FOXP1: variants seen among roughly 807,000 people sequenced by gnomAD.
FOXP1 encodes the protein forkhead box P1, also known as forkhead box protein P1.
FOXP1 carries 15 observed loss-of-function variants against 98.2 expected under a neutral mutation model. The ratio of observed to expected loss-of-function variants is 0.15; its 90% CI spans 0.10 to 0.24. The LOEUF (loss-of-function observed/expected upper bound fraction) is 0.24, where lower values mean the gene tolerates loss of function less well. FOXP1 is among the 10% of genes least tolerant of loss of function. The pLI, the probability that FOXP1 is intolerant of heterozygous loss-of-function variation, is 1.00. For synonymous variants in FOXP1, 371 were observed against 314.5 expected (o/e 1.18, Z -1.90); for missense variants, 633 against 848.5 (o/e 0.75, Z 3.15).
intron 18 of FOXP1, 104 bp from the exon 19 acceptor site, chr3:70,970,909 T>C: frequency 1.2e-6 from 1 of 859,600 alleles, no homozygotes; most frequent in Non-Finnish European, 2.0e-6. Context: ...AATGAGCAAT[T>C]TCCCCCACTA....
At chr3:70,962,064 C>T (rs1197837734) in intron 20 of FOXP1, among the ~76,000 whole-genome samples, 1 of 152,164 alleles carries the variant, frequency 6.6e-6, no homozygotes, top group Non-Finnish European at 1.5e-5. Flanking sequence ...AAAACACAAA[C>T]CCTTAGTTAA....
intron 4 of FOXP1, among the ~76,000 whole-genome samples, chr3:71,311,327 T>C (rs1274426297): frequency 6.6e-6 from 1 of 152,202 alleles, no homozygotes; most frequent in Non-Finnish European, 1.5e-5. Flanking sequence ...TGGGTTCAAG[T>C]GATCATCCTG....
At chr3:71,008,355 G>A (rs1389861232) in intron 12 of FOXP1, among the ~76,000 whole-genome samples, 5 of 152,042 alleles carry the variant, frequency 3.3e-5, no homozygotes, top group African/African-American at 1.2e-4. Flanking sequence ...CTTTCACCTG[G>A]TTTGAAAAGA....
chr3:70,959,561 AC>A (rs1438907472), intron 20 of FOXP1, among the ~76,000 whole-genome samples, 170 bp from the exon 21 acceptor site: 1 of 152,130 alleles, frequency 6.6e-6, no homozygotes, highest in African/African-American at 2.4e-5. Context: ...ACGAAATCTT[AC>A]TACATTTAAT....
chr3:71,088,915 G>T (rs147420916), intron 7 of FOXP1, among the ~76,000 whole-genome samples: 2 of 152,308 alleles, frequency 1.3e-5, no homozygotes, highest in East Asian at 3.9e-4. Context: ...ATCTTTTAGT[G>T]AAGTGAATAA....
At chr3:71,338,395 C>T (rs1460363010) in intron 4 of FOXP1, among the ~76,000 whole-genome samples, 6 of 152,192 alleles carry the variant, frequency 3.9e-5, no homozygotes, top group African/African-American at 1.4e-4. Flanking sequence ...AACAAAACAT[C>T]TTAACTACAA....
chr3:71,475,928 T>C (rs1577718292), intron 3 of FOXP1, among the ~76,000 whole-genome samples: 1 of 150,578 alleles, frequency 6.6e-6, no homozygotes, highest in East Asian at 1.9e-4. Flanking sequence ...AACCTCTTCA[T>C]GGAGATCCAC....
At chr3:70,987,940 A>C in intron 14 of FOXP1, 54 bp downstream of exon 14, 1 of 1,550,990 alleles carries the variant, frequency 6.4e-7, no homozygotes, top group Non-Finnish European at 8.9e-7. Context: ...GGGGAAGTAG[A>C]AAAGGAATAC....
At chr3:71,273,802 A>C (rs1384127468) in intron 5 of FOXP1, among the ~76,000 whole-genome samples, 1 of 152,232 alleles carries the variant, frequency 6.6e-6, no homozygotes, top group Non-Finnish European at 1.5e-5. Context: ...ATGCTCTACT[A>C]TTCTGAGCAC....
At chr3:71,516,370 C>A (rs920164776) in intron 2 of FOXP1, among the ~76,000 whole-genome samples, 5 of 152,070 alleles carry the variant, frequency 3.3e-5, no homozygotes, top group African/African-American at 1.2e-4. Flanking sequence ...CAAGTATAAT[C>A]AATTGGTAAA....
At chr3:70,960,995 A>C (rs1006146989) in intron 20 of FOXP1, among the ~76,000 whole-genome samples, 4 of 151,800 alleles carry the variant, frequency 2.6e-5, no homozygotes, top group Non-Finnish European at 5.9e-5. Flanking sequence ...GGCACCTGCC[A>C]CCGCGCCCGG....
At chr3:70,967,687 G>GTTATTTTTTTTTT (rs2035148313) in intron 19 of FOXP1, among the ~76,000 whole-genome samples, 1 of 61,358 alleles carries the variant, frequency 1.6e-5, no homozygotes, top group African/African-American at 5.7e-5. Flanking sequence ...ACTATTATTT[G>GTTATTTTTTTTTT]TTTTTTTTTT....
chr3:71,442,480 TG>T (rs1254361198), intron 3 of FOXP1, among the ~76,000 whole-genome samples: 2 of 152,010 alleles, frequency 1.3e-5, no homozygotes, highest in Non-Finnish European at 2.9e-5. Flanking sequence ...AACGTCCAGC[TG>T]ATTTTAGTGA....
chr3:70,972,065 CG>C, intron 18 of FOXP1: 2 of 1,516,832 alleles, frequency 1.3e-6, no homozygotes, highest in Non-Finnish European at 1.8e-6. Context: ...AGGACGGCCT[CG>C]TTGAATATGG....
chr3:71,014,670 C>T (rs534889819), intron 12 of FOXP1, among the ~76,000 whole-genome samples: 2 of 152,170 alleles, frequency 1.3e-5, no homozygotes, highest in Non-Finnish European at 2.9e-5. Flanking sequence ...ATAATTCATG[C>T]TGCTATAAAG....
At chr3:70,977,251 G>A (rs1185599984) in intron 16 of FOXP1, among the ~76,000 whole-genome samples, 3 of 152,004 alleles carry the variant, frequency 2.0e-5, no homozygotes, top group African/African-American at 7.3e-5. Context: ...TTTTATTTCT[G>A]TTTCCGTACA....
chr3:71,037,433 A>C (rs955280166), intron 11 of FOXP1, among the ~76,000 whole-genome samples: 7 of 152,204 alleles, frequency 4.6e-5, no homozygotes, highest in African/African-American at 1.7e-4. Flanking sequence ...ACAATTAGAC[A>C]GGGAAACAAG....
chr3:71,030,581 C>G (rs934763505), intron 11 of FOXP1, among the ~76,000 whole-genome samples: 2 of 152,212 alleles, frequency 1.3e-5, no homozygotes, highest in Non-Finnish European at 2.9e-5. Context: ...AGCTACATTC[C>G]CACACTAGGA....
At chr3:71,092,375 CAAAAAAAGA>C (rs2055968974) in intron 7 of FOXP1, among the ~76,000 whole-genome samples, 1 of 151,020 alleles carries the variant, frequency 6.6e-6, no homozygotes. Flanking sequence ...GGCTCCATCT[CAAAAAAAGA>C]AAAAAAAGAA....
Sources: allele counts gnomAD v4.1 joint callset (sites outside exome capture counted in the v4.1 genomes callset), GRCh38; gene constraint gnomAD v4.1.1; transcripts MANE v1.5; gene names NCBI Gene and HGNC (gene_info 2026-07-23, HGNC 2026-07-21).